The following TRAPPC9 variants were observed in gnomAD, a reference collection of about 807,000 sequenced individuals.
TRAPPC9 encodes the protein trafficking protein particle complex subunit 9.
A neutral mutation model predicts 124.0 loss-of-function variants in TRAPPC9; 83 were observed. The ratio of observed to expected loss-of-function variants is 0.67; its 90% CI spans 0.56 to 0.80. The LOEUF is 0.80. Ranked by LOEUF, TRAPPC9 falls within the 30% of genes least tolerant of loss-of-function variation. TRAPPC9 has a pLI of 0.00. For missense variants in TRAPPC9, 1,302 were observed against 1,508.3 expected, an observed-to-expected ratio of 0.86 and a Z score of 2.27; for synonymous variants, 638 against 617.5, an observed-to-expected ratio of 1.03 and a Z score of -0.49.
intron 19 of TRAPPC9, among the ~76,000 whole-genome samples, chr8:139,957,581 G>T (rs1835084012): frequency 6.6e-6 from 1 of 152,190 alleles, no homozygotes; most frequent in African/African-American, 2.4e-5. Flanking sequence ...CGTGTGCTCA[G>T]TACACAGAGC....
intron 8 of TRAPPC9, among the ~76,000 whole-genome samples, chr8:140,368,161 A>G (rs2068176054): frequency 1.3e-5 from 2 of 152,098 alleles, no homozygotes; most frequent in East Asian, 1.9e-4. Flanking sequence ...GGTGGAGTTC[A>G]TTTTGAAGCT....
chr8:139,785,119 C>T (rs982134517), intron 21 of TRAPPC9, among the ~76,000 whole-genome samples: 1 of 152,206 alleles, frequency 6.6e-6, no homozygotes, highest in Admixed American at 6.5e-5. Context: ...AGAAATAGAT[C>T]TGCACATATA....
intron 21 of TRAPPC9, among the ~76,000 whole-genome samples, chr8:139,770,609 C>T (rs550643108): frequency 6.6e-6 from 1 of 152,350 alleles, no homozygotes; most frequent in Non-Finnish European, 1.5e-5. Flanking sequence ...GCTCAGCCAG[C>T]GTCTGGTGCT....
chr8:140,272,398 GATGGTGATA>G lies in TRAPPC9; in HGVS notation c.2278+3251_2278+3259del, dbSNP rs779092723. Reference sequence around the variant, plus strand: ...TGGTGGTGATGATGGTGATGGTGGCGATGGTGATAATGGTGATGGTGATGGTGGTGATGG... The same window carrying G: ...TGGTGGTGATGATGGTGATGGTGGCGATGGTGATGGTGATGGTGGTGATGG... On this transcript the variant is annotated intron_variant, in intron 15 of 22. Coordinates refer to ENST00000438773, the MANE Select transcript of TRAPPC9 (RefSeq NM_001160372.4). Among the ~76,000 whole-genome samples the G allele has an allele frequency of 1.8e-3, 260 of 147,550 alleles. 1 individual carries two copies. Among genetic ancestry groups the G allele is most frequent in the Non-Finnish European group, 1.9e-3 (123 of 65,942 alleles).
intron 21 of TRAPPC9, among the ~76,000 whole-genome samples, chr8:139,786,237 T>C (rs575019289): frequency 3.3e-5 from 5 of 151,972 alleles, no homozygotes; most frequent in African/African-American, 1.2e-4. Flanking sequence ...CCCAGTAAAA[T>C]AATAGGCAAA....
chr8:139,797,725 G>A (rs973758469), intron 21 of TRAPPC9, among the ~76,000 whole-genome samples: 24 of 152,118 alleles, frequency 1.6e-4, no homozygotes, highest in African/African-American at 5.8e-4. Context: ...AAGGATCTCT[G>A]GTTATTCAAG....
In TRAPPC9 at chr8:140,283,939, C is replaced by T; in HGVS notation, c.2064G>A (p.Val688=). The T allele has an allele frequency of 6.2e-7, 1 of 1,614,156 alleles. No homozygotes were observed. Among genetic ancestry groups the T allele is most frequent in the Non-Finnish European group, 8.5e-7 (1 of 1,180,030 alleles). Residue 688 remains valine, a synonymous_variant, in exon 14 of 23, where the codon GTG becomes GTA. Transcript: ENST00000438773. ...GTCTTGGCAACGCGGGAATGACTTC[C>T]ACTGTGGAGCCACTGGTTTTTATTC... The part of the protein sequence containing the change: ...LPGIKTSGST[V]EVIPALPRLQ...
At position 139,728,843 on chromosome 8, in the gene TRAPPC9, T is replaced by C. The variant is rs1285093975; in HGVS notation, c.*2218A>G. Among the ~76,000 whole-genome samples the C allele has an allele frequency of 2.6e-5, 4 of 152,228 alleles. No homozygotes were observed. The highest frequency in any genetic ancestry group is 2.1e-4 in the South Asian group (1 of 4,828). On this transcript the variant is annotated 3_prime_UTR_variant, in exon 23 of 23. Coordinates refer to ENST00000438773, the MANE Select transcript of TRAPPC9 (RefSeq NM_001160372.4). ...TTCCTTCTTGTGGCATCCAGCATTTTCTCTGGTAACTGTTGTGGGTATTTT... is the reference window on the plus strand; with the variant it reads ...TTCCTTCTTGTGGCATCCAGCATTTCCTCTGGTAACTGTTGTGGGTATTTT...
intron 17 of TRAPPC9, among the ~76,000 whole-genome samples, chr8:140,069,729 G>A (rs968168420): frequency 6.6e-6 from 1 of 152,114 alleles, no homozygotes; most frequent in Non-Finnish European, 1.5e-5. Flanking sequence ...TGTATTAGGA[G>A]AACTCAATCC....
chr8:140,309,374 G>T (rs2066228295), intron 10 of TRAPPC9, among the ~76,000 whole-genome samples: 1 of 152,222 alleles, frequency 6.6e-6, no homozygotes, highest in African/African-American at 2.4e-5. Flanking sequence ...CTCTACCACG[G>T]CCACACACAA....
chr8:140,106,207 C>T (rs964770987), intron 17 of TRAPPC9, among the ~76,000 whole-genome samples: 1 of 152,136 alleles, frequency 6.6e-6, no homozygotes, highest in African/African-American at 2.4e-5. Flanking sequence ...GAACAACAGC[C>T]ATCAGATCGT....
intron 17 of TRAPPC9, chr8:140,039,958 G>C (rs1841160292): frequency 6.6e-6 from 1 of 152,220 alleles, no homozygotes; most frequent in African/African-American, 2.4e-5. Context: ...GCACACAGGA[G>C]GTTTGTGATC....
chr8:140,363,185 G>A (rs1157466732), intron 8 of TRAPPC9, among the ~76,000 whole-genome samples: 1 of 152,098 alleles, frequency 6.6e-6, no homozygotes, highest in Non-Finnish European at 1.5e-5. Flanking sequence ...CCTCGTCCAG[G>A]AAAAGGCATG....
chr8:139,846,073 G>A (rs1310961795), intron 21 of TRAPPC9, among the ~76,000 whole-genome samples: 1 of 152,256 alleles, frequency 6.6e-6, no homozygotes, highest in Non-Finnish European at 1.5e-5. Context: ...CAAGGCCAAG[G>A]GGGCCGGCCT....
chr8:140,220,703 A>G (rs2063319859), intron 17 of TRAPPC9, among the ~76,000 whole-genome samples: 3 of 152,156 alleles, frequency 2.0e-5, no homozygotes, highest in Admixed American at 2.0e-4. Flanking sequence ...ACTGACTCAC[A>G]AGCATCTTGG....
intron 21 of TRAPPC9, among the ~76,000 whole-genome samples, chr8:139,860,166 C>T (rs144632685): frequency 9.6e-4 from 146 of 152,290 alleles, no homozygotes; most frequent in African/African-American, 3.3e-3. Flanking sequence ...AAATGATCCT[C>T]CCAAACCACC....
chr8:140,259,426 A>G (rs1326942660), intron 15 of TRAPPC9, among the ~76,000 whole-genome samples: 1 of 152,194 alleles, frequency 6.6e-6, no homozygotes, highest in Non-Finnish European at 1.5e-5. Context: ...CCACCTTGGG[A>G]GGCAGGGTGT....
intron 18 of TRAPPC9, among the ~76,000 whole-genome samples, chr8:140,014,025 C>T (rs1839299710): frequency 6.6e-6 from 1 of 152,128 alleles, no homozygotes; most frequent in Non-Finnish European, 1.5e-5. Context: ...ACTAAGTAAA[C>T]ATAGCAACTG....
chr8:139,981,237 C>G (rs903949288), intron 19 of TRAPPC9, among the ~76,000 whole-genome samples: 1 of 152,162 alleles, frequency 6.6e-6, no homozygotes, highest in African/African-American at 2.4e-5. Flanking sequence ...CAGCTCTGGC[C>G]AGGGAGTCCA....
Sources: allele counts gnomAD v4.1 joint callset (sites outside exome capture counted in the v4.1 genomes callset), GRCh38; gene constraint gnomAD v4.1.1; transcripts MANE v1.5; gene names NCBI Gene and HGNC (gene_info 2026-07-23, HGNC 2026-07-21).